The following RPS10 variants were observed in gnomAD, a reference collection of about 807,000 sequenced individuals.
RPS10 encodes the protein small ribosomal subunit protein eS10.
RPS10 carries 2 observed loss-of-function variants against 22.6 expected under a neutral mutation model. That is an observed-to-expected ratio of 0.09 (90% CI 0.04 to 0.28). The LOEUF is 0.28. RPS10 is among the 10% of genes least tolerant of loss of function. RPS10 has a pLI of 1.00. For synonymous variants in RPS10, 70 were observed against 75.9 expected (o/e 0.92, Z 0.40); for missense variants, 137 against 222.2 (o/e 0.62, Z 2.44).
In RPS10 at chr6:34,426,036, G is replaced by A. The variant is rs1002633911; in HGVS notation, c.-5C>T. The A allele has an allele frequency of 1.3e-5, 2 of 152,452 alleles. No individual in the cohort carries two copies. The highest frequency in any genetic ancestry group is 6.5e-5 in the Admixed American group (1 of 15,292). The allele number at this position is 152,452 out of a possible 1,614,324, so 9.4% of individuals were successfully genotyped here. A position where few individuals can be genotyped will look rare whatever the true frequency, so the allele number is the denominator to read the frequency against. ...TCGAACGCCACAGAAACTCACCTCT[G>A]CGGCTGCAGGGTCCGGTACCGGGGC... On this transcript the variant is annotated 5_prime_UTR_variant, in exon 1 of 6. Coordinates refer to ENST00000648437, the MANE Select transcript of RPS10 (RefSeq NM_001014.5).
rs759494601 is a variant in RPS10, at chr6:34,419,853, C to T, written c.401-1429G>A. Among the ~76,000 whole-genome samples the T allele has an allele frequency of 3.5e-4, 54 of 152,274 alleles. 1 individual carries two copies. The highest frequency in any genetic ancestry group is 3.4e-3 in the Middle Eastern group (1 of 294). On this transcript the variant is annotated intron_variant, in intron 4 of 5. Coordinates refer to ENST00000648437, the MANE Select transcript of RPS10 (RefSeq NM_001014.5). ...TCGGCCTCCCAAAGTGCTGGGATTACAGGAGTGGGCCACCGCGCCCGGCCC... is the reference window on the plus strand; with the variant it reads ...TCGGCCTCCCAAAGTGCTGGGATTATAGGAGTGGGCCACCGCGCCCGGCCC...
intron 2 of RPS10, 73 bp downstream of exon 2, chr6:34,424,999 T>A: frequency 6.2e-7 from 1 of 1,610,558 alleles, no homozygotes; most frequent in Non-Finnish European, 8.5e-7. Flanking sequence ...GATCCCTCCA[T>A]CCCATTCCAT....
intron 3 of RPS10, among the ~76,000 whole-genome samples, chr6:34,422,731 T>G (rs1315381570): frequency 6.7e-6 from 1 of 150,214 alleles, no homozygotes; most frequent in Non-Finnish European, 1.5e-5. Flanking sequence ...AGTGCTGGGA[T>G]TACAGGTGTG....
At chr6:34,418,255 G>T in intron 5 of RPS10, 114 bp downstream of exon 5, 1 of 1,577,324 alleles carries the variant, frequency 6.3e-7, no homozygotes, top group South Asian at 1.1e-5. Flanking sequence ...TGGGAGGAGG[G>T]AACTGGTTGA....
intron 5 of RPS10, 35 bp from the exon 6 acceptor site, chr6:34,417,582 G>T: frequency 6.2e-7 from 1 of 1,611,478 alleles, no homozygotes; most frequent in Non-Finnish European, 8.5e-7. Context: ...AGCATGAGCG[G>T]CACTCTGGTT....
chr6:34,425,609 G>C (rs1377374941), intron 1 of RPS10: 1 of 294,888 alleles, frequency 3.4e-6, no homozygotes, highest in Non-Finnish European at 6.7e-6. Flanking sequence ...AAGGCCCGGA[G>C]GGGTAAAGCC....
At chr6:34,424,620 A>C (rs890339541) in intron 3 of RPS10, 49 bp downstream of exon 3, 3 of 1,611,056 alleles carry the variant, frequency 1.9e-6, no homozygotes, top group Non-Finnish European at 2.5e-6. Flanking sequence ...TCCCTTACAC[A>C]AAAGAAACTA....
intron 1 of RPS10, chr6:34,425,586 AAG>A (rs1470605455): frequency 2.1e-5 from 7 of 332,254 alleles, no homozygotes; most frequent in Middle Eastern, 2.3e-3. Flanking sequence ...GCTGTACCAT[AAG>A]GTACGCAGGG....
Position 34,424,140 on chromosome 6 carries a change from T to TAA in RPS10, c.322+527_322+528dup, listed in dbSNP as rs71538239. 105 of 49,144 alleles carry TAA rather than the reference T, an allele frequency of 2.1e-3. 15 individuals carry two copies. The highest frequency in any genetic ancestry group is 5.7e-3 in the African/African-American group (54 of 9,470). 3.0% of individuals were successfully genotyped at this position (49,144 alleles called of 1,614,324 possible). A position where few individuals can be genotyped will look rare whatever the true frequency, so the allele number is the denominator to read the frequency against. ...GCTGGGCAACAGAGCAAGACTCCGT[T>TAA]AAAAAAAAAAAAAAAAAAAAAAAAG... is the stretch of plus-strand genomic sequence containing the variant. On this transcript the variant is annotated intron_variant, in intron 3 of 5. Transcript: ENST00000648437.
chr6:34,418,482 G>C (rs1259511904), intron 4 of RPS10, 58 bp from the exon 5 acceptor site: 11 of 1,612,452 alleles, frequency 6.8e-6, no homozygotes, highest in Non-Finnish European at 9.3e-6. Context: ...TATAGAACAA[G>C]GGAAGACAAC....
chr6:34,423,463 T>G (rs765514583), intron 3 of RPS10, among the ~76,000 whole-genome samples: 1 of 152,202 alleles, frequency 6.6e-6, no homozygotes, highest in Admixed American at 6.5e-5. Flanking sequence ...AGAAATAAAT[T>G]AATCATGTAA....
At chr6:34,418,192 T>G in intron 5 of RPS10, 177 bp downstream of exon 5, 2 of 1,509,480 alleles carry the variant, frequency 1.3e-6, no homozygotes, top group Non-Finnish European at 1.8e-6. Flanking sequence ...TTTATGTATT[T>G]ACAAAAGTTT....
At chr6:34,421,443 C>T (rs977590151) in intron 4 of RPS10, among the ~76,000 whole-genome samples, 3 of 151,954 alleles carry the variant, frequency 2.0e-5, no homozygotes, top group Admixed American at 6.6e-5. Flanking sequence ...TTCGACCCCC[C>T]CCCTCCAACC....
chr6:34,422,377 C>T (rs1765798201), intron 3 of RPS10, among the ~76,000 whole-genome samples: 2 of 152,154 alleles, frequency 1.3e-5, no homozygotes, highest in South Asian at 2.1e-4. Flanking sequence ...TGCAGTGGCG[C>T]GATCTTGGCT....
At chr6:34,420,406 TG>T (rs964623742) in intron 4 of RPS10, among the ~76,000 whole-genome samples, 7 of 151,950 alleles carry the variant, frequency 4.6e-5, no homozygotes, top group African/African-American at 1.4e-4. Flanking sequence ...AAAGTAGAGA[TG>T]GGGTTTTACC....
At chr6:34,422,220 C>T (rs1765792336) in intron 3 of RPS10, among the ~76,000 whole-genome samples, 1 of 152,204 alleles carries the variant, frequency 6.6e-6, no homozygotes, top group African/African-American at 2.4e-5. Flanking sequence ...ATATTAAGTA[C>T]ATAATCTAGG....
chr6:34,421,637 C>A, intron 4 of RPS10, 93 bp downstream of exon 4: 1 of 1,406,050 alleles, frequency 7.1e-7, no homozygotes, highest in Non-Finnish European at 1.0e-6. Context: ...ATTTTGTCAT[C>A]ATCAAGGGCT....
At position 34,417,463 on chromosome 6, in the gene RPS10, T is replaced by C. The variant is rs200231286; in HGVS notation, c.*43A>G. 942 of 1,568,890 alleles carry C rather than the reference T, an allele frequency of 6.0e-4. 1 individual carries two copies. The highest frequency in any genetic ancestry group is 7.1e-4 in the Non-Finnish European group (811 of 1,141,100). On this transcript the variant is annotated 3_prime_UTR_variant, in exon 6 of 6. Coordinates refer to ENST00000648437, the MANE Select transcript of RPS10 (RefSeq NM_001014.5). ...CAAAATGGACAAAAGATTAAGGTTT[T>C]TTGGCTGTAAGTTTATTCAATGCAA...
rs995189834 is a variant in RPS10, at chr6:34,417,746, T to A, written c.457-199A>T. The A allele has an allele frequency of 1.4e-5, 10 of 722,464 alleles. No individual in the cohort carries two copies. The South Asian group carries it at 1.5e-4, about 11-fold the overall frequency. 44.8% of individuals were successfully genotyped at this position (722,464 alleles called of 1,614,324 possible). A position where few individuals can be genotyped will look rare whatever the true frequency, so the allele number is the denominator to read the frequency against. Reference sequence around the variant, plus strand: ...ATATCTAACATCTAGGCCCATTTCTTCATTGGTAAAGTGGGAGTATGGCCA... The same window carrying A: ...ATATCTAACATCTAGGCCCATTTCTACATTGGTAAAGTGGGAGTATGGCCA... On this transcript the variant is annotated intron_variant, in intron 5 of 5. Coordinates refer to ENST00000648437, the MANE Select transcript of RPS10 (RefSeq NM_001014.5).
Sources: gnomAD v4.1 joint callset for allele counts (sites outside exome capture counted in the v4.1 genomes callset) on GRCh38, gnomAD v4.1.1 for gene constraint, MANE v1.5 for transcripts, NCBI Gene and HGNC (gene_info 2026-07-23, HGNC 2026-07-21) for gene names.